The following MFSD8 variants were observed in gnomAD, a reference collection of about 807,000 sequenced individuals.
MFSD8 encodes major facilitator superfamily domain-containing protein 8.
In MFSD8, 55 loss-of-function variants were observed where a neutral mutation model predicts 66.4. The ratio of observed to expected loss-of-function variants is 0.83; its 90% confidence interval spans 0.67 to 1.04. The LOEUF is 1.04. Ranked by LOEUF, MFSD8 falls within the 50% of genes least tolerant of loss-of-function variation. MFSD8 has a pLI of 0.00. For synonymous variants in MFSD8, 202 were observed against 212.8 expected, an observed-to-expected ratio of 0.95 and a Z score of 0.44; for missense variants, 550 against 627.6, an observed-to-expected ratio of 0.88 and a Z score of 1.32.
chr4:127,938,588 AAAAAAAATAAAT>A (rs1463341554), intron 7 of MFSD8, among the ~76,000 whole-genome samples, 183 bp downstream of exon 7: 6 of 136,746 alleles, frequency 4.4e-5, no homozygotes, highest in Non-Finnish European at 9.0e-5. Flanking sequence ...GTCTCAAAAA[AAAAAAAATAAAT>A]AAATAAATAA....
At chr4:127,944,392 C>T (rs1415411354) in intron 3 of MFSD8, among the ~76,000 whole-genome samples, 1 of 152,048 alleles carries the variant, frequency 6.6e-6, no homozygotes, top group Admixed American at 6.6e-5. Context: ...GCCATTAGCG[C>T]TGTAAATCAT....
chr4:127,939,961 C>T lies in MFSD8; in HGVS notation c.590G>A (p.Gly197Asp), dbSNP rs28544073. Reference sequence around the variant, plus strand: ...CAGTTTAATCACATCCCATGTCACACCTTTTTCTCCAAGGAATGTAAAACA... The same window carrying T: ...CAGTTTAATCACATCCCATGTCACATCTTTTTCTCCAAGGAATGTAAAACA... Reference protein sequence around the residue: ...QTCFTFLGEKGVTWDVIKLQI... With the variant: ...QTCFTFLGEKDVTWDVIKLQI... The change falls in exon 6 of 12, where the codon GGT (glycine) becomes GAT (aspartate). Residue 197 changes from glycine (G) to aspartate (D), a missense_variant. Physicochemically the swap from Gly to Asp is moderately conservative, Grantham distance 94. Coordinates refer to ENST00000641686, the MANE Select transcript of MFSD8 (RefSeq NM_001371596.2). The T allele has an allele frequency of 3.4e-4, 555 of 1,613,454 alleles. 3 individuals carry two copies. The African/African-American group carries it at 6.5e-3, about 19-fold the overall frequency.
At chr4:127,924,345 C>T (rs1292186370) in intron 9 of MFSD8, among the ~76,000 whole-genome samples, 1 of 151,830 alleles carries the variant, frequency 6.6e-6, no homozygotes, top group African/African-American at 2.4e-5. Context: ...TTCTGTGGGA[C>T]CAGTGGTGCC....
intron 8 of MFSD8, 68 bp from the exon 9 acceptor site, chr4:127,930,885 AAG>A: frequency 7.1e-7 from 1 of 1,406,648 alleles, no homozygotes; most frequent in African/African-American, 1.5e-5. Context: ...AGTGAAGTGT[AAG>A]TTTTAATAAC....
Position 127,919,788 on chromosome 4 carries a change from AG to A in MFSD8, c.*841del, listed in dbSNP as rs1384690743. ...TAATTAAATGTTTTTCTCCAGTTTA[AG>A]GGGGTTGAAAAATAGCAATAATTTT... On this transcript the variant is annotated 3_prime_UTR_variant, in exon 12 of 12. Transcript: ENST00000641686. 6.6e-6 allele frequency: 1 copy of A among 152,186 alleles called. No homozygotes were observed. Among genetic ancestry groups the A allele is most frequent in the Admixed American group, 6.5e-5 (1 of 15,270 alleles). The allele number at this position is 152,186 out of a possible 1,614,324, so 9.4% of individuals were successfully genotyped here.
rs1240561332 is a variant in MFSD8, at chr4:127,919,417, G to C, written c.*1213C>G. The stretch of plus-strand genomic sequence containing the variant: ...CTTAAAGTAGAAAACATTTGGAAAA[G>C]TGTTTAGAAATATTTTTGCATTTTC... On this transcript the variant is annotated 3_prime_UTR_variant, in exon 12 of 12. Transcript: ENST00000641686. 2 of 152,138 alleles carry C rather than the reference G, an allele frequency of 1.3e-5. No individual in the cohort carries two copies. Among genetic ancestry groups the C allele is most frequent in the Non-Finnish European group, 2.9e-5 (2 of 68,018 alleles). 9.4% of individuals were successfully genotyped at this position (152,138 alleles called of 1,614,324 possible). A position where few individuals can be genotyped will look rare whatever the true frequency, so the allele number is the denominator to read the frequency against.
chr4:127,950,042 T>A (rs965662235), intron 2 of MFSD8, among the ~76,000 whole-genome samples, 195 bp from the exon 3 acceptor site: 5 of 152,206 alleles, frequency 3.3e-5, no homozygotes, highest in Admixed American at 2.6e-4. Context: ...ACAATTACAG[T>A]CCCTCATCAT....
At chr4:127,948,004 T>C (rs1179938566) in intron 3 of MFSD8, among the ~76,000 whole-genome samples, 2 of 151,900 alleles carry the variant, frequency 1.3e-5, no homozygotes, top group Non-Finnish European at 2.9e-5. Flanking sequence ...AAAGCCAGGA[T>C]AGAGAAATGT....
intron 1 of MFSD8, among the ~76,000 whole-genome samples, chr4:127,961,081 G>A (rs972472033): frequency 2.6e-5 from 4 of 152,094 alleles, no homozygotes; most frequent in African/African-American, 7.2e-5. Context: ...GGGGAGCACT[G>A]AGGATTCAAG....
At chr4:127,921,219 C>G in intron 11 of MFSD8, 2 of 589,488 alleles carry the variant, frequency 3.4e-6, no homozygotes, top group South Asian at 4.3e-5. Flanking sequence ...AAGGTAGAAG[C>G]TGAAACTCAG....
At chr4:127,929,968 C>T (rs1009279915) in intron 9 of MFSD8, among the ~76,000 whole-genome samples, 5 of 152,102 alleles carry the variant, frequency 3.3e-5, no homozygotes, top group South Asian at 2.1e-4. Flanking sequence ...TTATGCTGGG[C>T]GCAGTGGCTC....
intron 7 of MFSD8, among the ~76,000 whole-genome samples, chr4:127,935,491 G>A (rs1395251201): frequency 6.6e-6 from 1 of 152,084 alleles, no homozygotes; most frequent in East Asian, 1.9e-4. Context: ...TTATAATCCT[G>A]TCTCATAATA....
At chr4:127,950,544 G>A (rs1203283189) in intron 2 of MFSD8, among the ~76,000 whole-genome samples, 1 of 151,756 alleles carries the variant, frequency 6.6e-6, no homozygotes, top group Non-Finnish European at 1.5e-5. Flanking sequence ...ATAAAAATTA[G>A]CCGGGCATGG....
At chr4:127,965,283 C>G, upstream of MFSD8, 1 of 952,554 alleles carries the variant, frequency 1.0e-6, no homozygotes, top group South Asian at 1.5e-5. Context: ...AGGTCATAGG[C>G]GGGGTCACGC....
chr4:127,948,632 G>A lies in MFSD8; in HGVS notation c.198+1172C>T, dbSNP rs117921611. On this transcript the variant is annotated intron_variant, in intron 3 of 11. Coordinates refer to ENST00000641686, the MANE Select transcript of MFSD8 (RefSeq NM_001371596.2). ...ATTGAGGTTGCTGCAGACCTGTACAGACACAGATCTGCCAACTAACAATTG... is the reference window on the plus strand; with the variant it reads ...ATTGAGGTTGCTGCAGACCTGTACAAACACAGATCTGCCAACTAACAATTG... 3.0e-4 allele frequency among the ~76,000 whole-genome samples: 46 copies of A among 152,276 alleles called. No homozygotes were observed. The East Asian group carries it at 6.8e-3, about 22-fold the overall frequency.
chr4:127,920,520 G>C lies in MFSD8; in HGVS notation c.*110C>G. ...CATATGTTCTTGTTCTTCAAAATCT[G>C]CAATATCTGTAGTCTGATTCTTGGA... On this transcript the variant is annotated 3_prime_UTR_variant, in exon 12 of 12. Transcript: ENST00000641686. The C allele has an allele frequency of 9.7e-7, 1 of 1,030,500 alleles. No homozygotes were observed. The highest frequency in any genetic ancestry group is 1.5e-6 in the Non-Finnish European group (1 of 658,932). 63.8% of individuals were successfully genotyped at this position (1,030,500 alleles called of 1,614,324 possible). A position where few individuals can be genotyped will look rare whatever the true frequency, so the allele number is the denominator to read the frequency against.
chr4:127,930,594 A>G, intron 9 of MFSD8, 89 bp downstream of exon 9: 2 of 1,415,988 alleles, frequency 1.4e-6, no homozygotes, highest in South Asian at 2.5e-5. Context: ...GCTTTAAATT[A>G]TTTTCCTGGT....
At position 127,927,743 on chromosome 4, in the gene MFSD8, G is replaced by A. The variant is rs535005687; in HGVS notation, c.998+2940C>T. Reference sequence around the variant, plus strand: ...GCTCTGTCACCCAGACTGGAGTGTAGTGGTACAATCACAGCTCACTGCAGC... The same window carrying A: ...GCTCTGTCACCCAGACTGGAGTGTAATGGTACAATCACAGCTCACTGCAGC... On this transcript the variant is annotated intron_variant, in intron 9 of 11. Transcript: ENST00000641686. Among the ~76,000 whole-genome samples the A allele has an allele frequency of 2.6e-5, 4 of 152,172 alleles. No individual in the cohort carries two copies. In the East Asian group the frequency reaches 7.7e-4, roughly 29 times the overall value.
At chr4:127,923,815 C>T (rs1025379770) in intron 9 of MFSD8, among the ~76,000 whole-genome samples, 2 of 151,830 alleles carry the variant, frequency 1.3e-5, no homozygotes, top group Non-Finnish European at 2.9e-5. Flanking sequence ...CCTCTGACCT[C>T]GTGATCCACC....
Sources: gnomAD v4.1 joint callset for allele counts (sites outside exome capture counted in the v4.1 genomes callset) on GRCh38, gnomAD v4.1.1 for gene constraint, MANE v1.5 for transcripts, NCBI Gene and HGNC (gene_info 2026-07-23, HGNC 2026-07-21) for gene names.